RNF32: variants seen among roughly 807,000 people sequenced by gnomAD.
RNF32 encodes the protein ring finger protein 32.
A neutral mutation model predicts 41.0 loss-of-function variants in RNF32; 36 were observed. That is an observed-to-expected ratio of 0.88 (90% CI 0.67 to 1.16). RNF32 has a LOEUF of 1.16. RNF32 is among the 50% of genes most tolerant of loss of function. The probability of loss-of-function intolerance (pLI) is 0.00; values close to 1 mark genes in which losing one functional copy is unlikely to be tolerated. For missense variants in RNF32, 413 were observed against 436.7 expected, an observed-to-expected ratio of 0.95 and a Z score of 0.48; for synonymous variants, 154 against 160.9, an observed-to-expected ratio of 0.96 and a Z score of 0.32.
chr7:156,660,887 A>T (rs895698568), intron 7 of RNF32, among the ~76,000 whole-genome samples: 1 of 152,226 alleles, frequency 6.6e-6, no homozygotes, highest in African/African-American at 2.4e-5. Context: ...CAGTCAGTAC[A>T]TGGAAGTTAT....
intron 7 of RNF32, among the ~76,000 whole-genome samples, 159 bp from the exon 8 acceptor site, chr7:156,675,536 AT>A (rs1200308889): frequency 6.6e-6 from 1 of 152,204 alleles, no homozygotes; most frequent in Non-Finnish European, 1.5e-5. Flanking sequence ...ATCTGGATTT[AT>A]AGTTAAGTAA....
At chr7:156,671,269 T>C (rs1802433892) in intron 7 of RNF32, among the ~76,000 whole-genome samples, 1 of 152,178 alleles carries the variant, frequency 6.6e-6, no homozygotes, top group Admixed American at 6.5e-5. Flanking sequence ...GACTGAGTGC[T>C]CCAGCACCAA....
intron 3 of RNF32, among the ~76,000 whole-genome samples, chr7:156,652,998 T>A (rs1431110515): frequency 6.6e-6 from 1 of 152,144 alleles, no homozygotes; most frequent in African/African-American, 2.4e-5. Flanking sequence ...TTAAAGAAAA[T>A]ATATTTTTAT....
At chr7:156,666,392 G>C (rs1801348784) in intron 7 of RNF32, among the ~76,000 whole-genome samples, 1 of 152,222 alleles carries the variant, frequency 6.6e-6, no homozygotes, top group Non-Finnish European at 1.5e-5. Context: ...TCTGTGAAGA[G>C]GAATGCTTGC....
rs998742278 is a variant in RNF32, at chr7:156,675,880, G to A, written c.852+17G>A. On this transcript the variant is annotated intron_variant, in intron 8 of 8. Coordinates refer to ENST00000317955, the MANE Select transcript of RNF32 (RefSeq NM_030936.4). ...CAAGTGCAGGTAGGTTTGGCTGGCA[G>A]CCTGGCAACCAGCAGACTCAGCTGC... is the stretch of plus-strand genomic sequence containing the variant. The A allele has an allele frequency of 1.1e-5, 17 of 1,608,178 alleles. No homozygotes were observed. The highest frequency in any genetic ancestry group is 1.4e-5 in the Non-Finnish European group (17 of 1,176,382).
chr7:156,675,676 C>T lies in RNF32; in HGVS notation c.685-20C>T, dbSNP rs372537566. ...CACCGAGCTCAGGTGTGAGCTTACC[C>T]GCCCCCGCCTCCTCCTCAGTTCACA... On this transcript the variant is annotated intron_variant, in intron 7 of 8. Transcript: ENST00000317955. 168 of 1,594,390 alleles carry T rather than the reference C, an allele frequency of 1.1e-4. No individual in the cohort carries two copies. In the East Asian group the frequency reaches 2.9e-3, roughly 27 times the overall value.
At chr7:156,671,324 AAC>A (rs1328083830) in intron 7 of RNF32, among the ~76,000 whole-genome samples, 1 of 152,180 alleles carries the variant, frequency 6.6e-6, no homozygotes, top group Admixed American at 6.5e-5. Flanking sequence ...TGAAAACGCG[AAC>A]AGTGTGTGTG....
intron 7 of RNF32, among the ~76,000 whole-genome samples, chr7:156,665,695 C>G (rs1468280572): frequency 6.6e-6 from 1 of 152,208 alleles, no homozygotes; most frequent in Non-Finnish European, 1.5e-5. Flanking sequence ...GTGGCTGATT[C>G]TCCACTCCCA....
intron 3 of RNF32, among the ~76,000 whole-genome samples, chr7:156,651,826 A>G (rs1798777954): frequency 6.6e-6 from 1 of 152,206 alleles, no homozygotes; most frequent in African/African-American, 2.4e-5. Flanking sequence ...TCTCCTCCAG[A>G]AATACATTAT....
intron 3 of RNF32, chr7:156,646,408 T>G (rs1475231926): frequency 7.7e-7 from 1 of 1,303,258 alleles, no homozygotes; most frequent in African/African-American, 1.5e-5. Context: ...TCACAAAACC[T>G]TCTTCTCTAG....
rs140328820 is a variant in RNF32 at position 156,671,981 on chromosome 7, G to A, written c.685-3715G>A. ...AGTACATATCAAAACTTGTGGAATG[G>A]AATATTTCATCAAAACTTGTGGAAA... On this transcript the variant is annotated intron_variant, in intron 7 of 8. Coordinates refer to ENST00000317955, the MANE Select transcript of RNF32 (RefSeq NM_030936.4). Among the ~76,000 whole-genome samples the A allele has an allele frequency of 4.5e-3, 686 of 152,328 alleles. 1 individual carries two copies. The highest frequency in any genetic ancestry group is 7.3e-3 in the Non-Finnish European group (499 of 68,034).
chr7:156,641,353 T>G (rs560380929), intron 1 of RNF32, among the ~76,000 whole-genome samples: 1 of 152,342 alleles, frequency 6.6e-6, no homozygotes, highest in East Asian at 1.9e-4. Context: ...TGATCGTTTT[T>G]GCCACCAAGC....
chr7:156,669,617 G>A lies in RNF32; in HGVS notation c.685-6079G>A, dbSNP rs1802018690. On this transcript the variant is annotated intron_variant, in intron 7 of 8. Coordinates refer to ENST00000317955, the MANE Select transcript of RNF32 (RefSeq NM_030936.4). This position sits in a 1 kb window ranked among gnomAD's most constrained non-coding sequence, Gnocchi z 4.2. ...CGCTGAGCAGATAGGTCATTTTCAA[G>A]AGGGCGACCCACAGCCACGTGAACA... Among the ~76,000 whole-genome samples the A allele has an allele frequency of 6.6e-6, 1 of 152,190 alleles. No individual in the cohort carries two copies. Among genetic ancestry groups the A allele is most frequent in the Non-Finnish European group, 1.5e-5 (1 of 68,036 alleles).
chr7:156,641,195 A>G (rs1052269707), intron 1 of RNF32, among the ~76,000 whole-genome samples: 1 of 152,190 alleles, frequency 6.6e-6, no homozygotes, highest in South Asian at 2.1e-4. Context: ...GCATGAGTGG[A>G]ACCTCAGAAA....
chr7:156,646,400 A>T (rs1797978571), intron 3 of RNF32: 1 of 1,302,886 alleles, frequency 7.7e-7, no homozygotes, highest in Admixed American at 2.3e-5. Flanking sequence ...CTCTGACTTC[A>T]CAAAACCTTC....
rs769571992 is a variant in RNF32 at position 156,658,234 on chromosome 7, G to C, written c.557G>C (p.Arg186Thr). ...ATACACGATGGGGCCCGCCTGTTCA[G>C]AATCAAGTGTGTGACCAGGTGAGGA... ...RVIHDGARLF[R>T]IKCVTRIQAY... Residue 186 changes from arginine (R) to threonine (T), a missense_variant, in exon 6 of 9, where the codon AGA becomes ACA. Coordinates refer to ENST00000317955, the MANE Select transcript of RNF32 (RefSeq NM_030936.4). The C allele has an allele frequency of 5.0e-6, 8 of 1,614,196 alleles. No individual in the cohort carries two copies. The highest frequency in any genetic ancestry group is 3.4e-6 in the Non-Finnish European group (4 of 1,180,036).
chr7:156,661,680 G>GTT (rs1295215882), intron 7 of RNF32, among the ~76,000 whole-genome samples: 1 of 152,158 alleles, frequency 6.6e-6, no homozygotes, highest in Non-Finnish European at 1.5e-5. Context: ...TAACAGAAAC[G>GTT]TAACTTTCGC....
chr7:156,664,135 C>T (rs1409140839), intron 7 of RNF32, among the ~76,000 whole-genome samples: 1 of 152,198 alleles, frequency 6.6e-6, no homozygotes, highest in African/African-American at 2.4e-5. Context: ...TGATTGCCAC[C>T]GTGGCTTTTA....
At chr7:156,671,870 G>A (rs1185519390) in intron 7 of RNF32, among the ~76,000 whole-genome samples, 2 of 152,072 alleles carry the variant, frequency 1.3e-5, no homozygotes, top group Admixed American at 6.5e-5. Flanking sequence ...ACTATCTCAC[G>A]TTTGAAAATA....
Sources: gnomAD v4.1 joint callset for allele counts (sites outside exome capture counted in the v4.1 genomes callset) on GRCh38, gnomAD v4.1.1 for gene constraint, Gnocchi (gnomAD v3.1) non-coding constraint, MANE v1.5 for transcripts, NCBI Gene and HGNC (gene_info 2026-07-23, HGNC 2026-07-21) for gene names.